Variants in WWTR1 observed in about 807,000 individuals in gnomAD.
WWTR1 encodes WW domain-containing transcription regulator protein 1.
In WWTR1, 13 loss-of-function variants were observed where a neutral mutation model predicts 40.1. The ratio of observed to expected loss-of-function variants is 0.32; its 90% confidence interval spans 0.21 to 0.52. The LOEUF (loss-of-function observed/expected upper bound fraction) is 0.52, where lower values mean the gene tolerates loss of function less well. WWTR1 is among the 20% of genes least tolerant of loss of function. The pLI is 0.97. For synonymous variants in WWTR1, 230 were observed against 210.1 expected, an observed-to-expected ratio of 1.09 and a Z score of -0.82; for missense variants, 436 against 523.1, an observed-to-expected ratio of 0.83 and a Z score of 1.63.
chr3:149,592,479 G>GT (rs1466671650), intron 2 of WWTR1, among the ~76,000 whole-genome samples: 16 of 152,262 alleles, frequency 1.1e-4, no homozygotes, highest in African/African-American at 3.6e-4. Context: ...CTGAATAAAT[G>GT]TAAGTACAAT....
At chr3:149,608,448 T>A (rs371590313) in intron 2 of WWTR1, among the ~76,000 whole-genome samples, 17 of 151,928 alleles carry the variant, frequency 1.1e-4, no homozygotes, top group East Asian at 3.9e-4. Flanking sequence ...TGCAGTGGCA[T>A]GATCTTGGCT....
Position 149,657,114 on chromosome 3 carries a change from A to G in WWTR1, c.193T>C (p.Ser65Pro). The change falls in exon 2 of 7, where the codon TCC becomes CCC. Residue 65 changes from serine to proline, a missense_variant. Coordinates refer to ENST00000360632, the MANE Select transcript of WWTR1 (RefSeq NM_015472.6). Reference sequence around the variant, plus strand: ...TGGCCGCCCGACGAGTCGGTGCTGGACTGGCGCGAGTGCGAGCCCGAATCA... The same window carrying G: ...TGGCCGCCCGACGAGTCGGTGCTGGGCTGGCGCGAGTGCGAGCCCGAATCA... ...EPDSGSHSRQ[S>P]STDSSGGHPG... is the part of the protein sequence containing the mutation. 6.3e-7 allele frequency: 1 copy of G among 1,584,832 alleles called. No individual in the cohort carries two copies. The highest frequency in any genetic ancestry group is 1.7e-4 in the Middle Eastern group (1 of 6,034).
intron 2 of WWTR1, among the ~76,000 whole-genome samples, chr3:149,625,400 G>C (rs1327321618): frequency 4.6e-5 from 7 of 152,042 alleles, no homozygotes; most frequent in Admixed American, 2.6e-4. Context: ...TTACAGGCTT[G>C]AGCCACTGCG....
rs942053632 is a variant in WWTR1 at position 149,517,461 on chromosome 3, T to C, written c.*3344A>G. 6.6e-6 allele frequency: 1 copy of C among 152,240 alleles called. No homozygotes were observed. The highest frequency in any genetic ancestry group is 1.5e-5 in the Non-Finnish European group (1 of 68,044). 9.4% of individuals were successfully genotyped at this position (152,240 alleles called of 1,614,324 possible). ...GTGTTAGGAAAATGGTCTCTGTCAA[T>C]TGCCCATTTTCCCAATTAAATTAAC... On this transcript the variant is annotated 3_prime_UTR_variant, in exon 7 of 7. Transcript: ENST00000360632.
chr3:149,579,139 CA>C (rs1215426963), intron 2 of WWTR1, among the ~76,000 whole-genome samples: 2 of 152,100 alleles, frequency 1.3e-5, no homozygotes, highest in Admixed American at 6.6e-5. Context: ...TTTCTATGGG[CA>C]AAGATTTTGT....
intron 2 of WWTR1, among the ~76,000 whole-genome samples, chr3:149,604,892 G>A (rs1464709708): frequency 3.9e-5 from 6 of 152,220 alleles, no homozygotes; most frequent in African/African-American, 1.4e-4. Context: ...TCTTACCCAT[G>A]GAGCAAAGGA....
intron 2 of WWTR1, among the ~76,000 whole-genome samples, chr3:149,607,772 G>C (rs1456037819): frequency 1.3e-5 from 2 of 152,146 alleles, no homozygotes; most frequent in Non-Finnish European, 2.9e-5. Context: ...ACAACTTTAG[G>C]CGACTGCAAA....
intron 5 of WWTR1, among the ~76,000 whole-genome samples, chr3:149,715,705 C>T (rs1404770530): frequency 6.6e-6 from 1 of 152,204 alleles, no homozygotes; most frequent in African/African-American, 2.4e-5. Flanking sequence ...CCCAAAGATC[C>T]CAGAACAACA....
At chr3:149,580,601 A>G (rs570126527) in intron 2 of WWTR1, among the ~76,000 whole-genome samples, 2 of 152,034 alleles carry the variant, frequency 1.3e-5, no homozygotes, top group South Asian at 2.1e-4. Flanking sequence ...TAATACTAAG[A>G]TTAGGTTTTT....
At chr3:149,559,293 CAAAAAA>C (rs57470539) in intron 3 of WWTR1, among the ~76,000 whole-genome samples, 9 of 58,106 alleles carry the variant, frequency 1.5e-4, no homozygotes, top group Non-Finnish European at 2.0e-4. Context: ...GACTCCATCT[CAAAAAA>C]AAAAAAAAAA....
Position 149,664,873 on chromosome 3 carries a change from A to G in WWTR1, c.-4+4915T>C, listed in dbSNP as rs556146065. Among the ~76,000 whole-genome samples, 3 of 151,762 alleles carry G rather than the reference A, an allele frequency of 2.0e-5. No homozygotes were observed. The South Asian group carries it at 6.3e-4, about 32-fold the overall frequency. ...CAAAGTGCTGGGATTATAGGAGTGA[A>G]CCACCGCGCCCGGCCAGAAGGCACT... On this transcript the variant is annotated intron_variant, in intron 2 of 7. Transcript: ENST00000465804.
At chr3:149,624,645 G>T (rs1740461495) in intron 2 of WWTR1, among the ~76,000 whole-genome samples, 1 of 152,120 alleles carries the variant, frequency 6.6e-6, no homozygotes, top group Non-Finnish European at 1.5e-5. Flanking sequence ...TCTGCTAAGG[G>T]GAATGAACTG....
intron 2 of WWTR1, among the ~76,000 whole-genome samples, chr3:149,629,415 A>G (rs765303947): frequency 6.6e-6 from 1 of 152,222 alleles, no homozygotes; most frequent in Non-Finnish European, 1.5e-5. Flanking sequence ...AGTATTTCCT[A>G]CGCTGGGGAA....
At chr3:149,609,233 G>A (rs1739626640) in intron 2 of WWTR1, among the ~76,000 whole-genome samples, 1 of 152,118 alleles carries the variant, frequency 6.6e-6, no homozygotes, top group African/African-American at 2.4e-5. Context: ...ACTCCTCAAA[G>A]CCATCCAACT....
In WWTR1 at chr3:149,606,130, A is replaced by G. The variant is rs139741860; in HGVS notation, c.432-33130T>C. Among the ~76,000 whole-genome samples, 155 of 152,274 alleles carry G rather than the reference A, an allele frequency of 1.0e-3. 1 individual carries two copies. The highest frequency in any genetic ancestry group is 3.6e-3 in the African/African-American group (150 of 41,558). On this transcript the variant is annotated intron_variant, in intron 2 of 6. Coordinates refer to ENST00000360632, the MANE Select transcript of WWTR1 (RefSeq NM_015472.6). Reference sequence around the variant, plus strand: ...GGAATAGGCCCTCATAAGACACCACATCTGCTGGTGTCTTGATCTTGTACT... The same window carrying G: ...GGAATAGGCCCTCATAAGACACCACGTCTGCTGGTGTCTTGATCTTGTACT...
In WWTR1 at chr3:149,657,209, T is replaced by A. The variant is rs1480331695; in HGVS notation, c.98A>T (p.Asn33Ile). Residue 33 changes from asparagine (N) to isoleucine (I), a missense_variant, in exon 2 of 7, where the codon AAC becomes ATC. By Grantham distance (149) the Asn-to-Ile change is moderately radical. Transcript: ENST00000360632. ...GCTAGGCTTCGGATTCATGACAGAG[T>A]TGAAGAGGGCTTCGAGGTCTGTGTC... Reference protein sequence around the residue: ...DLDTDLEALFNSVMNPKPSSW... With the variant: ...DLDTDLEALFISVMNPKPSSW... The A allele has an allele frequency of 6.2e-7, 1 of 1,612,136 alleles. No individual in the cohort carries two copies. The highest frequency in any genetic ancestry group is 1.7e-5 in the Admixed American group (1 of 59,796).
intron 5 of WWTR1, among the ~76,000 whole-genome samples, chr3:149,708,294 C>T (rs935671462): frequency 6.6e-6 from 1 of 151,970 alleles, no homozygotes; most frequent in Non-Finnish European, 1.5e-5. Context: ...GTTTTGTTTG[C>T]TTGCTGGTTT....
At chr3:149,607,821 G>C (rs1458774620) in intron 2 of WWTR1, among the ~76,000 whole-genome samples, 1 of 152,106 alleles carries the variant, frequency 6.6e-6, no homozygotes, top group Non-Finnish European at 1.5e-5. Context: ...ATTTCCTCTG[G>C]TAATTCAAAA....
chr3:149,632,727 G>A (rs993040448), intron 2 of WWTR1, among the ~76,000 whole-genome samples: 1 of 152,210 alleles, frequency 6.6e-6, no homozygotes, highest in African/African-American at 2.4e-5. Flanking sequence ...CCATAAAAAG[G>A]ATGAAGTTCT....
Sources: gnomAD v4.1 joint callset for allele counts (sites outside exome capture counted in the v4.1 genomes callset) on GRCh38, gnomAD v4.1.1 for gene constraint, MANE v1.5 for transcripts, NCBI Gene and HGNC (gene_info 2026-07-23, HGNC 2026-07-21) for gene names.